Variants in COL24A1 observed in about 807,000 individuals in gnomAD.
The protein encoded by COL24A1 is collagen alpha-1(XXIV) chain.
COL24A1 carries 224 observed loss-of-function variants against 253.9 expected under a neutral mutation model. That is an observed-to-expected ratio of 0.88 (90% CI 0.79 to 0.99). The LOEUF (loss-of-function observed/expected upper bound fraction) is 0.99. COL24A1 is among the 50% of genes least tolerant of loss of function. The probability of loss-of-function intolerance (pLI) is 0.00; values close to 1 mark genes in which losing one functional copy is unlikely to be tolerated. For synonymous variants in COL24A1, 685 were observed against 673.7 expected, an observed-to-expected ratio of 1.02 and a Z score of -0.26; for missense variants, 2,131 against 2,068.5, an observed-to-expected ratio of 1.03 and a Z score of -0.59.
At chr1:85,795,781 C>T (rs888056259) in intron 47 of COL24A1, among the ~76,000 whole-genome samples, 5 of 151,662 alleles carry the variant, frequency 3.3e-5, no homozygotes, top group Non-Finnish European at 7.4e-5. Flanking sequence ...ATATAATATC[C>T]TAGATTATTA....
Position 86,107,621 on chromosome 1 carries a change from G to A in COL24A1, c.1599+4946C>T, listed in dbSNP as rs112788255. On this transcript the variant is annotated intron_variant, in intron 5 of 59. Coordinates refer to ENST00000370571, the MANE Select transcript of COL24A1 (RefSeq NM_152890.7). ...CCGATCTTGGCTCACTGTAAGCTCC[G>A]CCTCCCGGGTTCACGCCATTCTCCT... is the stretch of plus-strand genomic sequence containing the variant. Among the ~76,000 whole-genome samples the A allele has an allele frequency of 2.1e-3, 315 of 151,842 alleles. 1 individual carries two copies. Among genetic ancestry groups the A allele is most frequent in the African/African-American group, 5.3e-3 (219 of 41,380 alleles).
chr1:85,971,842 T>C (rs2100774440), intron 20 of COL24A1, among the ~76,000 whole-genome samples: 1 of 152,260 alleles, frequency 6.6e-6, no homozygotes, highest in Non-Finnish European at 1.5e-5. Context: ...TAGTTCTTCA[T>C]TACTCATTAG....
intron 24 of COL24A1, among the ~76,000 whole-genome samples, chr1:85,921,930 G>C (rs1351231672): frequency 6.6e-6 from 1 of 152,154 alleles, no homozygotes; most frequent in African/African-American, 2.4e-5. Flanking sequence ...AAAATGATTA[G>C]ATGAATGGCC....
chr1:85,842,214 A>G, intron 40 of COL24A1, 93 bp from the exon 41 acceptor site: 1 of 1,380,008 alleles, frequency 7.2e-7, no homozygotes, highest in South Asian at 1.2e-5. Flanking sequence ...ACTGTCTAGG[A>G]GGATGAGACC....
At chr1:86,122,816 C>T (rs1315329653) in intron 3 of COL24A1, among the ~76,000 whole-genome samples, 1 of 152,026 alleles carries the variant, frequency 6.6e-6, no homozygotes, top group Non-Finnish European at 1.5e-5. Flanking sequence ...GTAACAGAAA[C>T]TTCGTATCCT....
intron 4 of COL24A1, among the ~76,000 whole-genome samples, chr1:86,113,837 CAAAAAAAAA>C (rs36014881): frequency 1.2e-4 from 9 of 72,404 alleles, no homozygotes; most frequent in African/African-American, 1.9e-4. Flanking sequence ...TCCTGTCTCA[CAAAAAAAAA>C]AAAAAAAAAA....
chr1:85,929,888 G>A (rs1377814160), intron 24 of COL24A1, among the ~76,000 whole-genome samples: 2 of 134,028 alleles, frequency 1.5e-5, no homozygotes, highest in African/African-American at 5.7e-5. Context: ...AAACCAACGA[G>A]AACAAAGACA....
intron 2 of COL24A1, among the ~76,000 whole-genome samples, chr1:86,130,530 C>T (rs923509046): frequency 8.6e-5 from 13 of 151,898 alleles, no homozygotes; most frequent in East Asian, 1.9e-4. Flanking sequence ...GTATATAATG[C>T]CCCCAGTCCT....
chr1:86,037,571 A>C (rs1338699451), intron 12 of COL24A1, among the ~76,000 whole-genome samples: 1 of 152,136 alleles, frequency 6.6e-6, no homozygotes, highest in Admixed American at 6.6e-5. Context: ...TTCTTCCTAC[A>C]ACCTGAATGA....
intron 47 of COL24A1, among the ~76,000 whole-genome samples, chr1:85,796,847 T>C (rs1414908123): frequency 6.6e-6 from 1 of 152,148 alleles, no homozygotes; most frequent in African/African-American, 2.4e-5. Flanking sequence ...AGATGTCAAA[T>C]ACCTATCGCA....
At chr1:85,923,152 G>A (rs1686733448) in intron 24 of COL24A1, among the ~76,000 whole-genome samples, 2 of 152,118 alleles carry the variant, frequency 1.3e-5, no homozygotes, top group African/African-American at 4.8e-5. Context: ...CAATACAAGA[G>A]CACCCAGATT....
chr1:86,008,890 T>C (rs899980983), intron 19 of COL24A1, among the ~76,000 whole-genome samples: 18 of 144,980 alleles, frequency 1.2e-4, no homozygotes, highest in African/African-American at 4.1e-4. Context: ...CCTTTTACTA[T>C]AACAACAAAA....
chr1:86,127,871 T>G (rs1366608030), intron 2 of COL24A1, among the ~76,000 whole-genome samples: 1 of 152,064 alleles, frequency 6.6e-6, no homozygotes, highest in Non-Finnish European at 1.5e-5. Flanking sequence ...CTGTGTAATC[T>G]AGCAATGCAA....
At chr1:85,812,916 C>A (rs1672687891) in intron 47 of COL24A1, among the ~76,000 whole-genome samples, 1 of 152,104 alleles carries the variant, frequency 6.6e-6, no homozygotes. Context: ...ACATTGAGCT[C>A]CCAACAAGGC....
chr1:86,108,530 C>T (rs1263424890), intron 5 of COL24A1, among the ~76,000 whole-genome samples: 1 of 147,766 alleles, frequency 6.8e-6, no homozygotes, highest in Admixed American at 6.9e-5. Flanking sequence ...CGCCTGTACT[C>T]CCAGCACTTT....
chr1:85,757,503 C>T (rs1237538322), intron 55 of COL24A1, among the ~76,000 whole-genome samples: 4 of 152,096 alleles, frequency 2.6e-5, no homozygotes, highest in Non-Finnish European at 4.4e-5. Context: ...GAGTTTGATG[C>T]TTTAGTCATG....
intron 47 of COL24A1, among the ~76,000 whole-genome samples, chr1:85,801,405 G>C (rs150521900): frequency 4.6e-4 from 70 of 152,332 alleles, no homozygotes; most frequent in African/African-American, 1.6e-3. Context: ...AAAAGTGAGA[G>C]GAGAGAAAGG....
At chr1:85,879,802 C>T (rs1049892110) in intron 32 of COL24A1, among the ~76,000 whole-genome samples, 5 of 152,114 alleles carry the variant, frequency 3.3e-5, no homozygotes, top group Admixed American at 6.6e-5. Context: ...GGGTTGTTCT[C>T]ACTGTCTCAG....
At chr1:85,978,458 T>C (rs576973807) in intron 20 of COL24A1, among the ~76,000 whole-genome samples, 1 of 152,144 alleles carries the variant, frequency 6.6e-6, no homozygotes, top group South Asian at 2.1e-4. Flanking sequence ...CAATTAAGTA[T>C]CTGCTGTCTT....
Sources: allele counts gnomAD v4.1 joint callset (sites outside exome capture counted in the v4.1 genomes callset), GRCh38; gene constraint gnomAD v4.1.1; transcripts MANE v1.5; gene names NCBI Gene and HGNC (gene_info 2026-07-23, HGNC 2026-07-21).